The following SPINK5 variants were observed in gnomAD, a reference collection of about 807,000 sequenced individuals.
The protein encoded by SPINK5 is serine peptidase inhibitor Kazal type 5.
In SPINK5, 125 loss-of-function variants were observed where a neutral mutation model predicts 151.8. The ratio of observed to expected loss-of-function variants is 0.82; its 90% CI spans 0.71 to 0.96. SPINK5 has a LOEUF of 0.96. Among genes scored for constraint, SPINK5 ranks in the 40% least tolerant of loss-of-function variants. SPINK5 has a pLI of 0.00. For missense variants in SPINK5, 1,194 were observed against 1,291.9 expected (o/e 0.92, Z 1.16); for synonymous variants, 374 against 395.3 (o/e 0.95, Z 0.64).
intron 18 of SPINK5, among the ~76,000 whole-genome samples, chr5:148,111,004 AAAC>A (rs1208192626): frequency 1.3e-5 from 2 of 152,056 alleles, no homozygotes; most frequent in Non-Finnish European, 2.9e-5. Flanking sequence ...AAAACAATGA[AAAC>A]AACAACAATA....
chr5:148,107,076 A>G lies in SPINK5; in HGVS notation c.1519A>G (p.Thr507Ala). The change falls in exon 17 of 33, where the codon ACA becomes GCA. Residue 507 changes from threonine (T) to alanine (A), a missense_variant. Coordinates refer to ENST00000256084, the MANE Select transcript of SPINK5 (RefSeq NM_006846.4). ...SEFRDQVRNGTLICTREHNPV... is the reference protein window; with the variant it reads ...SEFRDQVRNGALICTREHNPV... ...ATTTCGGGACCAAGTGAGGAATGGA[A>G]CACTTATATGCACCAGGGAGCATAA... is the stretch of plus-strand genomic sequence containing the variant. 1 of 1,613,290 alleles carries G rather than the reference A, an allele frequency of 6.2e-7. No homozygotes were observed. Among genetic ancestry groups the G allele is most frequent in the South Asian group, 1.1e-5 (1 of 91,064 alleles).
In SPINK5 at chr5:148,112,913, A is replaced by G; in HGVS notation, c.1866A>G (p.Lys622=). 2 of 1,613,890 alleles carry G rather than the reference A, an allele frequency of 1.2e-6. No individual in the cohort carries two copies. The highest frequency in any genetic ancestry group is 1.7e-6 in the Non-Finnish European group (2 of 1,179,866). ...KEKERAEPRA[K]VKREAEKETC... Reference sequence around the variant, plus strand: ...AAGAAAGAGCTGAACCCAGAGCAAAAGTCAAAAGAGAAGCTGAAAAGGTAG... The same window carrying G: ...AAGAAAGAGCTGAACCCAGAGCAAAGGTCAAAAGAGAAGCTGAAAAGGTAG... The change falls in exon 20 of 33, where the codon AAA becomes AAG. Residue 622 remains lysine (K), a synonymous_variant. Coordinates refer to ENST00000256084, the MANE Select transcript of SPINK5 (RefSeq NM_006846.4).
intron 21 of SPINK5, 44 bp from the exon 22 acceptor site, chr5:148,116,326 C>T (rs771524544): frequency 1.3e-6 from 2 of 1,591,400 alleles, no homozygotes; most frequent in Non-Finnish European, 1.7e-6. Context: ...GCACACCACT[C>T]TCTGTAATCT....
At chr5:148,081,545 A>G (rs1753020110) in intron 4 of SPINK5, among the ~76,000 whole-genome samples, 1 of 151,574 alleles carries the variant, frequency 6.6e-6, no homozygotes, top group Non-Finnish European at 1.5e-5. Context: ...TTCCATTTAT[A>G]TGAAATGTCC....
At chr5:148,090,466 C>T (rs1047149192) in intron 7 of SPINK5, among the ~76,000 whole-genome samples, 5 of 151,494 alleles carry the variant, frequency 3.3e-5, no homozygotes, top group African/African-American at 1.2e-4. Flanking sequence ...TCTCAATGTT[C>T]AAATCTGCCC....
intron 17 of SPINK5, among the ~76,000 whole-genome samples, chr5:148,108,464 TCGGAATGTTAATTAAAATTAG>T (rs1042545707): frequency 2.6e-5 from 4 of 152,136 alleles, no homozygotes; most frequent in Non-Finnish European, 4.4e-5. Context: ...GTAGCTTTAT[TCGGAATGTTAATTAAAATTAG>T]CGACGTACAA....
chr5:148,103,820 T>C (rs1362546435), intron 15 of SPINK5, among the ~76,000 whole-genome samples: 2 of 152,204 alleles, frequency 1.3e-5, no homozygotes, highest in Admixed American at 1.3e-4. Context: ...AAGTTTTAGT[T>C]TGATCTATGT....
chr5:148,118,940 G>T (rs1366258809), intron 23 of SPINK5, 46 bp from the exon 24 acceptor site: 1 of 1,589,674 alleles, frequency 6.3e-7, no homozygotes, highest in South Asian at 1.1e-5. Context: ...ATAATCCAGG[G>T]TCAATATTTG....
chr5:148,117,293 A>C (rs566370407), intron 22 of SPINK5, among the ~76,000 whole-genome samples: 1 of 152,278 alleles, frequency 6.6e-6, no homozygotes, highest in East Asian at 1.9e-4. Context: ...GAATTGTCTG[A>C]TAGACATTTT....
chr5:148,086,314 T>C (rs1753152016), intron 4 of SPINK5, 91 bp from the exon 5 acceptor site: 2 of 1,514,982 alleles, frequency 1.3e-6, no homozygotes, highest in South Asian at 1.2e-5. Flanking sequence ...GCAATTTACA[T>C]TATTGTGGGC....
chr5:148,065,080 A>G (rs184635579), intron 1 of SPINK5, among the ~76,000 whole-genome samples: 2 of 152,236 alleles, frequency 1.3e-5, no homozygotes, highest in East Asian at 1.9e-4. Context: ...AGCTATTTTG[A>G]TGGGGTTAGA....
intron 4 of SPINK5, among the ~76,000 whole-genome samples, chr5:148,081,763 A>AATT (rs1753027521): frequency 3.3e-5 from 5 of 151,742 alleles, no homozygotes; most frequent in African/African-American, 1.2e-4. Flanking sequence ...ATAGTATATA[A>AATT]CTAATACCTC....
Position 148,133,868 on chromosome 5 carries a change from C to CAGCCAGCATGCCCCCGT in SPINK5, c.3168_3184dup (p.Ser1062Ter), listed in dbSNP as rs1754633726. 1 of 1,613,866 alleles carries CAGCCAGCATGCCCCCGT rather than the reference C, an allele frequency of 6.2e-7. No individual in the cohort carries two copies. The highest frequency in any genetic ancestry group is 1.3e-5 in the African/African-American group (1 of 74,904). On this transcript the variant is annotated frameshift_variant, in exon 32 of 33. Transcript: ENST00000256084. LOFTEE classifies it low-confidence loss of function (END_TRUNC). ...GAGAGCAGCACCCCAGGAACCACCG[C>CAGCCAGCATGCCCCCGT]AGCCAGCATGCCCCCGTCTGTAAGT... is the stretch of plus-strand genomic sequence containing the variant.
intron 10 of SPINK5, among the ~76,000 whole-genome samples, chr5:148,096,244 T>C (rs769268467): frequency 5.3e-5 from 8 of 152,006 alleles, no homozygotes; most frequent in Non-Finnish European, 1.0e-4. Context: ...TGAAGGTATT[T>C]ACTTCAAAAA....
chr5:148,096,284 C>T (rs189740605), intron 10 of SPINK5, among the ~76,000 whole-genome samples: 1 of 151,918 alleles, frequency 6.6e-6, no homozygotes, highest in Non-Finnish European at 1.5e-5. Context: ...TAATGTGCTT[C>T]CTTTTAAATT....
intron 7 of SPINK5, among the ~76,000 whole-genome samples, chr5:148,090,315 T>TTTG (rs1753275914): frequency 6.6e-6 from 1 of 151,790 alleles, no homozygotes; most frequent in South Asian, 2.1e-4. Context: ...CAAACAAACG[T>TTTG]CACACCTGCC....
intron 21 of SPINK5, among the ~76,000 whole-genome samples, chr5:148,114,979 T>C (rs1486349386): frequency 6.6e-6 from 1 of 152,210 alleles, no homozygotes; most frequent in Non-Finnish European, 1.5e-5. Flanking sequence ...ATGTGTATAA[T>C]GTGTATAATG....
rs2303075 is a variant in SPINK5, at chr5:148,124,976, G to C, written c.2739+139G>C. ...TTGATTTTTCTTGTCTTGTCACTTT[G>C]TATCATAACAAGATTTTTGGGGGTT... On this transcript the variant is annotated intron_variant, in intron 28 of 32. Transcript: ENST00000256084. 0.16 allele frequency: 194,923 copies of C among 1,245,908 alleles called. 20,442 individuals are homozygous for C. The highest frequency in any genetic ancestry group is 0.47 in the East Asian group (14,707 of 31,504). The allele number at this position is 1,245,908 out of a possible 1,614,324, so 77.2% of individuals were successfully genotyped here.
Position 148,064,010 on chromosome 5 carries a change from G to C in SPINK5, c.-35G>C, listed in dbSNP as rs1223624906. The C allele has an allele frequency of 1.9e-6, 3 of 1,613,270 alleles. No individual in the cohort carries two copies. In the South Asian group the frequency reaches 3.3e-5, roughly 18 times the overall value. The stretch of plus-strand genomic sequence containing the variant: ...TACTGCACCAGCTGAGCAATGCATG[G>C]AGTGGACCTGTAGGCGACTTGCATC... On this transcript the variant is annotated 5_prime_UTR_variant, in exon 1 of 33. Transcript: ENST00000256084.
Sources: gnomAD v4.1 joint callset for allele counts (sites outside exome capture counted in the v4.1 genomes callset) on GRCh38, gnomAD v4.1.1 for gene constraint, MANE v1.5 for transcripts, NCBI Gene and HGNC (gene_info 2026-07-23, HGNC 2026-07-21) for gene names.